RSU1: variants seen among roughly 807,000 people sequenced by gnomAD.
RSU1 encodes the protein rsu-1.
RSU1 carries 26 observed loss-of-function variants against 31.1 expected under a neutral mutation model. That is an observed-to-expected ratio of 0.84 (90% CI 0.61 to 1.16). RSU1 has a LOEUF of 1.16. Among genes scored for constraint, RSU1 ranks in the 50% most tolerant of loss-of-function variants. The probability of loss-of-function intolerance (pLI) is 0.00; values close to 1 mark genes in which losing one functional copy is unlikely to be tolerated. For missense variants in RSU1, 320 were observed against 339.1 expected, an observed-to-expected ratio of 0.94 and a Z score of 0.44; for synonymous variants, 164 against 136.3, an observed-to-expected ratio of 1.20 and a Z score of -1.41.
At chr10:16,615,998 A>G (rs1426976367) in intron 8 of RSU1, among the ~76,000 whole-genome samples, 1 of 152,204 alleles carries the variant, frequency 6.6e-6, no homozygotes, top group Non-Finnish European at 1.5e-5. Context: ...TTCAAAAGCT[A>G]GCAGAAGACA....
At chr10:16,664,003 C>T (rs961311979) in intron 8 of RSU1, among the ~76,000 whole-genome samples, 2 of 152,154 alleles carry the variant, frequency 1.3e-5, no homozygotes, top group African/African-American at 4.8e-5. Flanking sequence ...TTACTCTACA[C>T]TCCAGGAGTC....
intron 7 of RSU1, among the ~76,000 whole-genome samples, chr10:16,699,148 T>C (rs945341821): frequency 6.6e-6 from 1 of 152,140 alleles, no homozygotes; most frequent in Admixed American, 6.5e-5. Context: ...ATGACAGAAA[T>C]GGAAACCGCG....
chr10:16,727,834 C>G (rs909664542), intron 7 of RSU1, among the ~76,000 whole-genome samples: 2 of 152,202 alleles, frequency 1.3e-5, no homozygotes, highest in African/African-American at 2.4e-5. Flanking sequence ...CCTTCAGGAA[C>G]AGGTACCAAG....
chr10:16,786,786 T>C (rs905974285), intron 2 of RSU1, among the ~76,000 whole-genome samples: 11 of 152,230 alleles, frequency 7.2e-5, no homozygotes, highest in Non-Finnish European at 1.5e-4. Flanking sequence ...ACCGTTTACT[T>C]ATTTAATAAA....
intron 7 of RSU1, among the ~76,000 whole-genome samples, chr10:16,703,960 G>C (rs1835844918): frequency 6.6e-6 from 1 of 150,732 alleles, no homozygotes; most frequent in African/African-American, 2.4e-5. Context: ...ACAACTTTCA[G>C]AGTTTTTAGT....
intron 8 of RSU1, among the ~76,000 whole-genome samples, chr10:16,601,809 G>A (rs1014414102): frequency 1.3e-5 from 2 of 152,162 alleles, no homozygotes; most frequent in African/African-American, 4.8e-5. Flanking sequence ...GCAGAGTGCA[G>A]GAAAGATGGA....
intron 7 of RSU1, among the ~76,000 whole-genome samples, chr10:16,743,193 G>C (rs1216531642): frequency 6.6e-6 from 1 of 152,098 alleles, no homozygotes; most frequent in Non-Finnish European, 1.5e-5. Flanking sequence ...GCATATATTT[G>C]GAACCACAGC....
chr10:16,753,372 T>A (rs760033123), intron 5 of RSU1, among the ~76,000 whole-genome samples: 12 of 152,346 alleles, frequency 7.9e-5, no homozygotes, highest in Non-Finnish European at 1.3e-4. Flanking sequence ...ACTGTGCCAC[T>A]TTTATGGATA....
chr10:16,623,969 T>C (rs900842511), intron 8 of RSU1, among the ~76,000 whole-genome samples: 1 of 152,110 alleles, frequency 6.6e-6, no homozygotes, highest in Middle Eastern at 3.2e-3. Context: ...TCTTAGACCT[T>C]GGGCTCTGAA....
chr10:16,639,621 T>C (rs1834404451), intron 8 of RSU1, among the ~76,000 whole-genome samples: 1 of 152,252 alleles, frequency 6.6e-6, no homozygotes, highest in African/African-American at 2.4e-5. Context: ...ATGTCATTTG[T>C]TGACTGATGA....
At chr10:16,650,823 T>C (rs1445443006) in intron 8 of RSU1, among the ~76,000 whole-genome samples, 1 of 152,110 alleles carries the variant, frequency 6.6e-6, no homozygotes, top group Non-Finnish European at 1.5e-5. Context: ...CCTCGTGATC[T>C]GCCTGCCTTG....
At chr10:16,669,605 T>C (rs951067703) in intron 8 of RSU1, among the ~76,000 whole-genome samples, 1 of 152,160 alleles carries the variant, frequency 6.6e-6, no homozygotes, top group Non-Finnish European at 1.5e-5. Flanking sequence ...GTTTTATGTG[T>C]GTGTGTTGTT....
intron 2 of RSU1, among the ~76,000 whole-genome samples, chr10:16,812,447 CAAAAAACAAAAATT>C (rs1838429155): frequency 6.6e-6 from 1 of 151,814 alleles, no homozygotes. Context: ...ATCTCAAAAA[CAAAAAACAAAAATT>C]AAAAAACAAA....
intron 7 of RSU1, among the ~76,000 whole-genome samples, chr10:16,699,575 G>T (rs1004696714): frequency 6.6e-6 from 1 of 152,226 alleles, no homozygotes; most frequent in South Asian, 2.1e-4. Context: ...GCTTCAGTGC[G>T]TTGAGTTAGG....
chr10:16,782,132 G>A (rs1438120281), intron 2 of RSU1, 48 bp from the exon 3 acceptor site: 1 of 1,478,206 alleles, frequency 6.8e-7, no homozygotes, highest in Admixed American at 1.7e-5. Context: ...ATGTATCACT[G>A]TATCCGGATT....
intron 7 of RSU1, among the ~76,000 whole-genome samples, chr10:16,713,567 C>T (rs576049366): frequency 2.0e-5 from 3 of 152,146 alleles, no homozygotes; most frequent in African/African-American, 7.2e-5. Flanking sequence ...ATCTTTGTTG[C>T]ATTTCTCATT....
At chr10:16,805,590 G>A (rs1433219969) in intron 2 of RSU1, among the ~76,000 whole-genome samples, 6 of 149,988 alleles carry the variant, frequency 4.0e-5, no homozygotes, top group Non-Finnish European at 5.9e-5. Flanking sequence ...GCAGGAGAAT[G>A]GCGTGAACCC....
At position 16,754,858 on chromosome 10, in the gene RSU1, G is replaced by C. The variant is rs753553814; in HGVS notation, c.400+13C>G. 1 of 1,518,170 alleles carries C rather than the reference G, an allele frequency of 6.6e-7. No homozygotes were observed. The highest frequency in any genetic ancestry group is 9.1e-7 in the Non-Finnish European group (1 of 1,095,242). 94.0% of individuals were successfully genotyped at this position (1,518,170 alleles called of 1,614,324 possible). A position where few individuals can be genotyped will look rare whatever the true frequency, so the allele number is the denominator to read the frequency against. ...CAAGGTTGAGGAGATTTATAGAATT[G>C]AAAGTTTCTTACTCAGGTAGAAGAA... is the stretch of plus-strand genomic sequence containing the variant. On this transcript the variant is annotated intron_variant, in intron 5 of 8. Transcript: ENST00000345264.
At chr10:16,594,137 T>A (rs1490321472) in intron 8 of RSU1, among the ~76,000 whole-genome samples, 1 of 152,232 alleles carries the variant, frequency 6.6e-6, no homozygotes, top group Non-Finnish European at 1.5e-5. Flanking sequence ...TAATTCTGAT[T>A]AAACCAAATT....
Sources: allele counts gnomAD v4.1 joint callset (sites outside exome capture counted in the v4.1 genomes callset), GRCh38; gene constraint gnomAD v4.1.1; transcripts MANE v1.5; gene names NCBI Gene and HGNC (gene_info 2026-07-23, HGNC 2026-07-21).